Variants in ADAM9 observed in about 807,000 individuals in gnomAD.
ADAM9 encodes the protein ADAM metallopeptidase domain 9.
A neutral mutation model predicts 108.1 loss-of-function variants in ADAM9; 54 were observed. That is an observed-to-expected ratio of 0.50 (90% CI 0.40 to 0.63). The LOEUF (loss-of-function observed/expected upper bound fraction) is 0.63. Ranked by LOEUF, ADAM9 falls within the 20% of genes least tolerant of loss-of-function variation. The pLI, the probability that ADAM9 is intolerant of heterozygous loss-of-function variation, is 0.00. For missense variants in ADAM9, 830 were observed against 997.7 expected (o/e 0.83, Z 2.26); for synonymous variants, 316 against 336.0 (o/e 0.94, Z 0.65).
chr8:39,026,664 C>T lies in ADAM9; in HGVS notation c.997-13C>T. The T allele has an allele frequency of 6.2e-7, 1 of 1,614,106 alleles. No individual in the cohort carries two copies. Among genetic ancestry groups the T allele is most frequent in the East Asian group, 2.2e-5 (1 of 44,868 alleles). On this transcript the variant is annotated splice_polypyrimidine_tract_variant and intron_variant, in intron 10 of 21. Coordinates refer to ENST00000487273, the MANE Select transcript of ADAM9 (RefSeq NM_003816.3). Reference sequence around the variant, plus strand: ...GTTCAGAAACCTAATTACTACCTTCCTGTTCTGAACAGTTTGGACAAATCA... The same window carrying T: ...GTTCAGAAACCTAATTACTACCTTCTTGTTCTGAACAGTTTGGACAAATCA...
intron 14 of ADAM9, among the ~76,000 whole-genome samples, chr8:39,057,278 C>T (rs1223755736): frequency 6.6e-6 from 1 of 151,270 alleles, no homozygotes; most frequent in African/African-American, 2.4e-5. Context: ...TTAAGTGACA[C>T]ATTACTGTAG....
rs550382857 is a variant in ADAM9 at position 39,009,964 on chromosome 8, A to ACCCC, written c.196-1686_196-1683dup. 1.7e-3 allele frequency among the ~76,000 whole-genome samples: 177 copies of ACCCC among 106,568 alleles called. 4 individuals are homozygous for ACCCC. The highest frequency in any genetic ancestry group is 2.2e-3 in the Non-Finnish European group (121 of 54,312). The allele number at this position is 106,568 out of a possible 152,430, so 69.9% of individuals were successfully genotyped here. ...ACAAAAACAACAACAACAAAAACAA[A>ACCCC]CCCCCCCCCCCAAACCAAAAATGTA... is the stretch of plus-strand genomic sequence containing the variant. On this transcript the variant is annotated intron_variant, in intron 2 of 21. Transcript: ENST00000487273.
At chr8:39,058,413 T>A (rs1454990361) in intron 14 of ADAM9, among the ~76,000 whole-genome samples, 1 of 152,236 alleles carries the variant, frequency 6.6e-6, no homozygotes, top group Non-Finnish European at 1.5e-5. Flanking sequence ...TGACCCAAAC[T>A]GTCGTTCTTG....
chr8:39,011,831 A>G, intron 3 of ADAM9, 115 bp downstream of exon 3: 1 of 997,786 alleles, frequency 1.0e-6, no homozygotes, highest in Non-Finnish European at 1.6e-6. Context: ...AAGCAGATTT[A>G]GCTCTTCATA....
chr8:39,082,728 A>C lies in ADAM9; in HGVS notation c.1962+7A>C. 6.2e-7 allele frequency: 1 copy of C among 1,611,306 alleles called. No individual in the cohort carries two copies. Among genetic ancestry groups the C allele is most frequent in the African/African-American group, 1.3e-5 (1 of 74,886 alleles). On this transcript the variant is annotated splice_region_variant and intron_variant, in intron 17 of 21. Transcript: ENST00000487273. ...AAAGTGTCATGGACATGGGGTAGGT[A>C]ATGTTTTCTTTTGGCTTGTTCCTGA...
At chr8:39,054,140 G>A (rs1250982790) in intron 12 of ADAM9, among the ~76,000 whole-genome samples, 1 of 152,142 alleles carries the variant, frequency 6.6e-6, no homozygotes, top group Non-Finnish European at 1.5e-5. Flanking sequence ...ATCCTCACTA[G>A]AAACTGAACT....
At chr8:39,022,936 C>T (rs1161063489) in intron 8 of ADAM9, among the ~76,000 whole-genome samples, 1 of 152,130 alleles carries the variant, frequency 6.6e-6, no homozygotes, top group Non-Finnish European at 1.5e-5. Context: ...TGGTCTCCAA[C>T]TCCTGATCTC....
chr8:39,038,658 A>G (rs1001104037), intron 11 of ADAM9, among the ~76,000 whole-genome samples: 2 of 152,200 alleles, frequency 1.3e-5, no homozygotes, highest in Non-Finnish European at 2.9e-5. Context: ...CATCCCTTGC[A>G]CCAAGAAGAA....
At chr8:39,054,989 A>G (rs12548948) in intron 13 of ADAM9, among the ~76,000 whole-genome samples, 8 of 151,960 alleles carry the variant, frequency 5.3e-5, no homozygotes, top group East Asian at 3.9e-4. Flanking sequence ...GCACAGATAC[A>G]TATATTTTTA....
chr8:39,089,769 G>A lies in ADAM9; in HGVS notation c.2069-278G>A, dbSNP rs1016777500. On this transcript the variant is annotated intron_variant, in intron 18 of 21. Coordinates refer to ENST00000487273, the MANE Select transcript of ADAM9 (RefSeq NM_003816.3). ...ATATAAATAGTATGCTACCTTTTGT[G>A]TAAGAAAGTGTTGACAGTAGAAACG... The A allele has an allele frequency of 2.5e-4, 105 of 414,396 alleles. 1 individual carries two copies. The highest frequency in any genetic ancestry group is 9.9e-4 in the Admixed American group (28 of 28,164). 25.7% of individuals were successfully genotyped at this position (414,396 alleles called of 1,614,324 possible).
intron 21 of ADAM9, among the ~76,000 whole-genome samples, chr8:39,103,110 G>A (rs1353947889): frequency 6.6e-6 from 1 of 152,200 alleles, no homozygotes; most frequent in Non-Finnish European, 1.5e-5. Context: ...GGATGATGAG[G>A]TTAGGAGCGG....
chr8:39,092,512 A>G (rs992052502), intron 20 of ADAM9, among the ~76,000 whole-genome samples: 2 of 152,066 alleles, frequency 1.3e-5, no homozygotes, highest in Admixed American at 1.3e-4. Flanking sequence ...AATTATCTGT[A>G]TACTCTTCTT....
chr8:39,069,793 G>T (rs1488483979), intron 14 of ADAM9, among the ~76,000 whole-genome samples: 1 of 152,052 alleles, frequency 6.6e-6, no homozygotes, highest in Non-Finnish European at 1.5e-5. Flanking sequence ...TAAGCAAAAG[G>T]TAGAAAATAA....
rs1564280019 is a variant in ADAM9, at chr8:39,035,723, A to AGGCGAATGGCATGAACCC, written c.1131-6220_1131-6203dup. Among the ~76,000 whole-genome samples, 13 of 152,260 alleles carry AGGCGAATGGCATGAACCC rather than the reference A, an allele frequency of 8.5e-5. No individual in the cohort carries two copies. The South Asian group carries it at 2.7e-3, about 32-fold the overall frequency. ...TCCCAGCTACTGAGGAGGCTGAGGC[A>AGGCGAATGGCATGAACCC]GGCGAATGGCATGAACCCGGGAGGC... On this transcript the variant is annotated intron_variant, in intron 11 of 21. Coordinates refer to ENST00000487273, the MANE Select transcript of ADAM9 (RefSeq NM_003816.3).
chr8:39,024,017 A>T (rs916590339), intron 9 of ADAM9, among the ~76,000 whole-genome samples: 2 of 152,034 alleles, frequency 1.3e-5, no homozygotes, highest in Non-Finnish European at 2.9e-5. Context: ...CAGTGCTGGG[A>T]TTATAGGCGT....
At chr8:39,004,818 C>T (rs1327667679) in intron 1 of ADAM9, among the ~76,000 whole-genome samples, 7 of 152,158 alleles carry the variant, frequency 4.6e-5, no homozygotes, top group African/African-American at 1.7e-4. Context: ...TTTTAGCATG[C>T]TAATGTATTA....
At chr8:39,006,401 A>G (rs192420905) in intron 1 of ADAM9, among the ~76,000 whole-genome samples, 5 of 151,928 alleles carry the variant, frequency 3.3e-5, no homozygotes, top group East Asian at 1.9e-4. Flanking sequence ...TTTATATACA[A>G]TGTTATCTTG....
chr8:39,089,362 T>C (rs984357469), intron 18 of ADAM9, among the ~76,000 whole-genome samples: 2 of 152,236 alleles, frequency 1.3e-5, no homozygotes, highest in East Asian at 1.9e-4. Context: ...AATTTGGCTC[T>C]GTGGGTGAGG....
At chr8:39,018,572 C>G in intron 6 of ADAM9, 1 of 394,624 alleles carries the variant, frequency 2.5e-6, no homozygotes, top group Middle Eastern at 7.2e-4. Flanking sequence ...ACATTTTTCT[C>G]ATATTAGTGC....
Sources: allele counts gnomAD v4.1 joint callset (sites outside exome capture counted in the v4.1 genomes callset), GRCh38; gene constraint gnomAD v4.1.1; transcripts MANE v1.5; gene names NCBI Gene and HGNC (gene_info 2026-07-23, HGNC 2026-07-21).